PRRX2: variants seen among roughly 807,000 people sequenced by gnomAD.
PRRX2 encodes paired mesoderm homeobox protein 2.
PRRX2 carries 11 observed loss-of-function variants against 18.0 expected under a neutral mutation model. The ratio of observed to expected loss-of-function variants is 0.61; its 90% CI spans 0.39 to 1.01. PRRX2 has a LOEUF of 1.01. PRRX2 is among the 50% of genes least tolerant of loss of function. The pLI is 0.01. For missense variants in PRRX2, 387 were observed against 351.0 expected (o/e 1.10, Z -0.82); for synonymous variants, 177 against 154.8 (o/e 1.14, Z -1.06).
intron 1 of PRRX2, among the ~76,000 whole-genome samples, chr9:129,692,767 C>T (rs1212945256): frequency 1.3e-5 from 2 of 152,056 alleles, no homozygotes; most frequent in African/African-American, 4.8e-5. Flanking sequence ...ATTCCTTTGT[C>T]TGGATGTAGC....
In PRRX2 at chr9:129,715,039, T is replaced by C. The variant is rs1396156178; in HGVS notation, c.260-4192T>C. ...CATTCACAGGCAGCAGACATTCTCA[T>C]CCATCCTCGCCTTTGCTTGAGGAGT... On this transcript the variant is annotated intron_variant, in intron 1 of 3. Transcript: ENST00000372469. This position sits in a 1 kb window ranked among gnomAD's most constrained non-coding sequence, Gnocchi z 4.0. 1.3e-5 allele frequency among the ~76,000 whole-genome samples: 2 copies of C among 152,080 alleles called. No homozygotes were observed. The highest frequency in any genetic ancestry group is 2.9e-5 in the Non-Finnish European group (2 of 68,022).
chr9:129,666,266 A>C, intron 1 of PRRX2, 140 bp downstream of exon 1: 4 of 692,276 alleles, frequency 5.8e-6, no homozygotes, highest in Non-Finnish European at 5.3e-6. Context: ...GGGCGCGTGT[A>C]AGTGACGGTG....
chr9:129,695,641 G>A lies in PRRX2; in HGVS notation c.260-23590G>A, dbSNP rs948069005. 3.3e-5 allele frequency among the ~76,000 whole-genome samples: 5 copies of A among 152,124 alleles called. No homozygotes were observed. The highest frequency in any genetic ancestry group is 1.2e-4 in the African/African-American group (5 of 41,424). On this transcript the variant is annotated intron_variant, in intron 1 of 3. Transcript: ENST00000372469. The surrounding 1 kb of genome is among the most constrained non-coding windows in gnomAD (Gnocchi z 4.8). ...CACGCTGCTCTTCCTCCAGGCCCCC[G>A]CCACCCCAAACCTTTAACAGGAGAC...
In PRRX2 at chr9:129,690,119, G is replaced by A. The variant is rs1029177994; in HGVS notation, c.259+23993G>A. 4.6e-5 allele frequency among the ~76,000 whole-genome samples: 7 copies of A among 152,036 alleles called. 1 individual carries two copies. In the South Asian group the frequency reaches 6.2e-4, roughly 14 times the overall value. Reference sequence around the variant, plus strand: ...AGTAATGCCCCGTGCAGCTAGGGCCGAGGCCCTGTCCCACCCTGCTGCCTT... The same window carrying A: ...AGTAATGCCCCGTGCAGCTAGGGCCAAGGCCCTGTCCCACCCTGCTGCCTT... On this transcript the variant is annotated intron_variant, in intron 1 of 3. Transcript: ENST00000372469.
At chr9:129,693,766 C>T (rs879585389) in intron 1 of PRRX2, among the ~76,000 whole-genome samples, 8 of 152,134 alleles carry the variant, frequency 5.3e-5, no homozygotes, top group Admixed American at 4.6e-4. Context: ...GGAAGAGGGA[C>T]GAGGGTTTGC....
intron 1 of PRRX2, among the ~76,000 whole-genome samples, chr9:129,666,571 A>ACCCCCCCCCCCCCCC (rs532808399): frequency 1.0e-5 from 1 of 95,424 alleles, no homozygotes; most frequent in Non-Finnish European, 2.3e-5. Context: ...GTGCCTGCCC[A>ACCCCCCCCCCCCCCC]CCCCCCCCCA....
intron 1 of PRRX2, among the ~76,000 whole-genome samples, chr9:129,680,923 T>C (rs994366432): frequency 1.1e-4 from 16 of 152,244 alleles, no homozygotes; most frequent in African/African-American, 3.6e-4. Context: ...CACAACTGTT[T>C]TTGTAATGTG....
chr9:129,678,399 G>A (rs1321468638), intron 1 of PRRX2, among the ~76,000 whole-genome samples: 1 of 152,198 alleles, frequency 6.6e-6, no homozygotes, highest in Non-Finnish European at 1.5e-5. Context: ...CAGGCACAGG[G>A]GCCCCTGCAG....
intron 1 of PRRX2, among the ~76,000 whole-genome samples, chr9:129,669,681 G>C (rs1211438824): frequency 6.6e-6 from 1 of 152,166 alleles, no homozygotes; most frequent in Non-Finnish European, 1.5e-5. Flanking sequence ...GGGCAAGGCA[G>C]GGTGAGGTGG....
intron 1 of PRRX2, among the ~76,000 whole-genome samples, chr9:129,710,455 CG>C (rs1253505035): frequency 6.6e-6 from 1 of 152,052 alleles, no homozygotes; most frequent in Non-Finnish European, 1.5e-5. Flanking sequence ...CTAGCTTGGC[CG>C]GGCGCGGTGG....
At chr9:129,670,357 G>C (rs758866937) in intron 1 of PRRX2, among the ~76,000 whole-genome samples, 7 of 151,814 alleles carry the variant, frequency 4.6e-5, no homozygotes, top group Non-Finnish European at 7.4e-5. Context: ...TGCATTCTAT[G>C]GTAGTTCTAC....
intron 2 of PRRX2, 112 bp from the exon 3 acceptor site, chr9:129,720,484 A>C: frequency 5.9e-6 from 6 of 1,021,426 alleles, no homozygotes; most frequent in Non-Finnish European, 8.4e-6. Context: ...TGAGGGTCAG[A>C]GAGGTGACGC....
intron 3 of PRRX2, among the ~76,000 whole-genome samples, chr9:129,721,025 G>T (rs1832784479): frequency 6.6e-6 from 1 of 152,242 alleles, no homozygotes; most frequent in South Asian, 2.1e-4. Flanking sequence ...ACATGACTGT[G>T]AGTGTGCATG....
At chr9:129,718,024 C>T (rs531259050) in intron 1 of PRRX2, among the ~76,000 whole-genome samples, 1 of 152,104 alleles carries the variant, frequency 6.6e-6, no homozygotes, top group African/African-American at 2.4e-5. Context: ...TCAGAGGTGC[C>T]CTTGGATAAG....
intron 1 of PRRX2, among the ~76,000 whole-genome samples, chr9:129,714,995 G>A (rs1343604423): frequency 6.6e-6 from 1 of 152,096 alleles, no homozygotes; most frequent in African/African-American, 2.4e-5. Flanking sequence ...TCCTCATCGA[G>A]GTGGTGGGGG....
Position 129,720,633 on chromosome 9 carries a change from A to C in PRRX2, c.485A>C (p.Asn162Thr), listed in dbSNP as rs1832776712. Reference protein sequence around the residue: ...FQNRRAKFRRNERAMLASRSA... With the variant: ...FQNRRAKFRRTERAMLASRSA... ...AACCGCCGCGCCAAGTTCCGCAGGAATGAAAGGGCCATGCTGGCCAGCCGC... is the reference window on the plus strand; with the variant it reads ...AACCGCCGCGCCAAGTTCCGCAGGACTGAAAGGGCCATGCTGGCCAGCCGC... Residue 162 changes from asparagine to threonine, a missense_variant, in exon 3 of 4, where the codon AAT (asparagine) becomes ACT (threonine). Coordinates refer to ENST00000372469, the MANE Select transcript of PRRX2 (RefSeq NM_016307.4). 2 of 1,612,918 alleles carry C rather than the reference A, an allele frequency of 1.2e-6. No homozygotes were observed. The highest frequency in any genetic ancestry group is 1.7e-6 in the Non-Finnish European group (2 of 1,179,486).
At chr9:129,706,559 T>C (rs1300729906) in intron 1 of PRRX2, among the ~76,000 whole-genome samples, 1 of 149,454 alleles carries the variant, frequency 6.7e-6, no homozygotes, top group Non-Finnish European at 1.5e-5. Flanking sequence ...TGAAACTCCA[T>C]CTCAAAAAAA....
At chr9:129,676,214 C>T (rs1393015176) in intron 1 of PRRX2, among the ~76,000 whole-genome samples, 1 of 152,148 alleles carries the variant, frequency 6.6e-6, no homozygotes, top group Non-Finnish European at 1.5e-5. Context: ...GGGGTTGGGC[C>T]CTGGGACGGT....
Sources: allele counts gnomAD v4.1 joint callset (sites outside exome capture counted in the v4.1 genomes callset), GRCh38; gene constraint gnomAD v4.1.1; non-coding constraint Gnocchi (gnomAD v3.1); transcripts MANE v1.5; gene names NCBI Gene and HGNC (gene_info 2026-07-23, HGNC 2026-07-21).